The following LRRC7 variants were observed in gnomAD, a reference collection of about 807,000 sequenced individuals.
LRRC7 encodes the protein leucine-rich repeat-containing protein 7.
In LRRC7, 23 loss-of-function variants were observed where a neutral mutation model predicts 175.7. The observed-to-expected ratio is 0.13, with a 90% confidence interval of 0.09 to 0.19. LRRC7 has a LOEUF of 0.19. LRRC7 is among the 10% of genes least tolerant of loss of function. The probability of loss-of-function intolerance (pLI) is 1.00; values close to 1 mark genes in which losing one functional copy is unlikely to be tolerated. For synonymous variants in LRRC7, 685 were observed against 680.9 expected, an observed-to-expected ratio of 1.01 and a Z score of -0.09; for missense variants, 1,354 against 1,904.7, an observed-to-expected ratio of 0.71 and a Z score of 5.38.
intron 4 of LRRC7, among the ~76,000 whole-genome samples, chr1:69,800,306 G>C (rs979234389): frequency 6.6e-6 from 1 of 151,938 alleles, no homozygotes; most frequent in Non-Finnish European, 1.5e-5. Context: ...CATGTGGATT[G>C]CATTGAGTCT....
In LRRC7 at chr1:69,575,134, AAAG is replaced by A. The variant is rs549863577; in HGVS notation, c.2+6499_2+6501del. Among the ~76,000 whole-genome samples, 17 of 152,234 alleles carry A rather than the reference AAAG, an allele frequency of 1.1e-4. 1 individual carries two copies. The South Asian group carries it at 1.5e-3, about 13-fold the overall frequency. The stretch of plus-strand genomic sequence containing the variant: ...GAATTTAGAGGGTCTCATTTTATAA[AAAG>A]AAGAAACTGAGGCCCCACTAAGTAT... On this transcript the variant is annotated intron_variant, in intron 1 of 26. Transcript: ENST00000651989.
At chr1:70,105,977 T>G (rs1259987580) in intron 25 of LRRC7, among the ~76,000 whole-genome samples, 1 of 152,106 alleles carries the variant, frequency 6.6e-6, no homozygotes, top group Non-Finnish European at 1.5e-5. Context: ...TTAGTTTGGG[T>G]CTGTTACCAC....
intron 2 of LRRC7, among the ~76,000 whole-genome samples, chr1:69,695,704 A>G (rs946365043): frequency 1.3e-5 from 2 of 152,182 alleles, no homozygotes; most frequent in South Asian, 4.1e-4. Flanking sequence ...TGCCACCTCA[A>G]GGACATAGCT....
chr1:69,939,506 A>G (rs984056128), intron 8 of LRRC7, among the ~76,000 whole-genome samples: 3 of 152,110 alleles, frequency 2.0e-5, no homozygotes, highest in East Asian at 3.9e-4. Flanking sequence ...CCTCCCCAGG[A>G]CACTCAATTG....
At chr1:69,784,624 C>G (rs780119192) in intron 3 of LRRC7, among the ~76,000 whole-genome samples, 1 of 152,024 alleles carries the variant, frequency 6.6e-6, no homozygotes, top group Non-Finnish European at 1.5e-5. Flanking sequence ...TATTCTGTTA[C>G]CTTTTGTTGT....
chr1:69,889,492 C>T (rs1245463407), intron 7 of LRRC7, among the ~76,000 whole-genome samples: 1 of 152,136 alleles, frequency 6.6e-6, no homozygotes, highest in East Asian at 1.9e-4. Context: ...AGCATCTTTA[C>T]CAGGAGTAGA....
At position 70,143,983 on chromosome 1, in the gene LRRC7, G is replaced by GTT. The variant is rs1004710392; in HGVS notation, c.*22102_*22103dup. 7.9e-5 allele frequency: 12 copies of GTT among 152,168 alleles called. No homozygotes were observed. Among genetic ancestry groups the GTT allele is most frequent in the Non-Finnish European group, 1.6e-4 (11 of 68,004 alleles). The allele number at this position is 152,168 out of a possible 1,614,324, so 9.4% of individuals were successfully genotyped here. ...ACATAGATCGTGAATGTACTTACTGGTTTTTTTGCAGTATGAGACCATAAC... is the reference window on the plus strand; with the variant it reads ...ACATAGATCGTGAATGTACTTACTGGTTTTTTTTTGCAGTATGAGACCATAAC... On this transcript the variant is annotated 3_prime_UTR_variant, in exon 27 of 27. Coordinates refer to ENST00000651989, the MANE Select transcript of LRRC7 (RefSeq NM_001370785.2).
chr1:69,831,883 TC>T (rs1259958303), intron 5 of LRRC7, among the ~76,000 whole-genome samples: 2 of 152,148 alleles, frequency 1.3e-5, no homozygotes, highest in East Asian at 3.9e-4. Context: ...GTTGTTTCCT[TC>T]AACATTATTT....
chr1:69,762,604 G>T (rs1032571650), intron 3 of LRRC7, among the ~76,000 whole-genome samples: 6 of 151,810 alleles, frequency 4.0e-5, no homozygotes, highest in African/African-American at 1.5e-4. Context: ...AGGGAGACTG[G>T]GGGAGGACTC....
At chr1:69,894,949 G>A (rs556444332) in intron 7 of LRRC7, among the ~76,000 whole-genome samples, 13 of 152,220 alleles carry the variant, frequency 8.5e-5, no homozygotes, top group Non-Finnish European at 1.5e-4. Context: ...AATTTAGGCC[G>A]GGGGGCGTGG....
In LRRC7 at chr1:69,941,723, A is replaced by C. The variant is rs540554270; in HGVS notation, c.711+10153A>C. On this transcript the variant is annotated intron_variant, in intron 8 of 26. Transcript: ENST00000651989. ...AAAATATAATTTTGAAAGCTGACAA[A>C]ATGCCACAAACATCATAAAATCGTG... Among the ~76,000 whole-genome samples the C allele has an allele frequency of 1.1e-4, 17 of 152,222 alleles. No homozygotes were observed. The South Asian group carries it at 3.1e-3, about 28-fold the overall frequency.
At chr1:69,900,465 C>T (rs928777541) in intron 7 of LRRC7, among the ~76,000 whole-genome samples, 5 of 152,092 alleles carry the variant, frequency 3.3e-5, no homozygotes, top group African/African-American at 9.7e-5. Context: ...ATTTATTGAT[C>T]AGCTTCAGAG....
chr1:69,824,187 G>C (rs769790148), intron 4 of LRRC7, among the ~76,000 whole-genome samples: 2 of 152,100 alleles, frequency 1.3e-5, no homozygotes, highest in East Asian at 3.9e-4. Flanking sequence ...TGGTGATAAG[G>C]CATCATGTAT....
chr1:69,602,172 T>G (rs1320188237), intron 1 of LRRC7, among the ~76,000 whole-genome samples: 1 of 152,226 alleles, frequency 6.6e-6, no homozygotes. Context: ...AGATGCTCTG[T>G]CTTCTGTCAT....
In LRRC7 at chr1:69,964,023, C is replaced by T. The variant is rs1299001855; in HGVS notation, c.712-16356C>T. Among the ~76,000 whole-genome samples, 4 of 152,176 alleles carry T rather than the reference C, an allele frequency of 2.6e-5. No individual in the cohort carries two copies. In the East Asian group the frequency reaches 7.7e-4, roughly 29 times the overall value. Reference sequence around the variant, plus strand: ...ATTCTAAGGCCTCCTGCTTAGGTAACATCATGCTAGGTGTGAACCACTTGT... The same window carrying T: ...ATTCTAAGGCCTCCTGCTTAGGTAATATCATGCTAGGTGTGAACCACTTGT... On this transcript the variant is annotated intron_variant, in intron 8 of 26. Coordinates refer to ENST00000651989, the MANE Select transcript of LRRC7 (RefSeq NM_001370785.2).
At chr1:69,587,915 A>G (rs1416649234) in intron 1 of LRRC7, among the ~76,000 whole-genome samples, 2 of 152,160 alleles carry the variant, frequency 1.3e-5, no homozygotes, top group Non-Finnish European at 2.9e-5. Context: ...ACCCAGTCTC[A>G]GGTATCTTTA....
chr1:70,121,725 C>A, intron 26 of LRRC7, 55 bp from the exon 27 acceptor site: 1 of 1,152,154 alleles, frequency 8.7e-7, no homozygotes, highest in Non-Finnish European at 1.3e-6. Context: ...ATAGAAACAA[C>A]GATACAGTGA....
intron 3 of LRRC7, among the ~76,000 whole-genome samples, chr1:69,771,718 G>T (rs1225204745): frequency 6.6e-6 from 1 of 152,160 alleles, no homozygotes; most frequent in African/African-American, 2.4e-5. Context: ...TATTGAGGAA[G>T]ATCAACAAAT....
At chr1:69,823,993 A>G (rs935870715) in intron 4 of LRRC7, among the ~76,000 whole-genome samples, 1 of 152,164 alleles carries the variant, frequency 6.6e-6, no homozygotes, top group Admixed American at 6.5e-5. Flanking sequence ...TAAACTGTAA[A>G]CAATATAATA....
Sources: gnomAD v4.1 joint callset for allele counts (sites outside exome capture counted in the v4.1 genomes callset) on GRCh38, gnomAD v4.1.1 for gene constraint, MANE v1.5 for transcripts, NCBI Gene and HGNC (gene_info 2026-07-23, HGNC 2026-07-21) for gene names.